SEPTIN10: variants seen among roughly 807,000 people sequenced by gnomAD.
SEPTIN10 encodes septin 10.
SEPTIN10 carries 66 observed loss-of-function variants against 54.8 expected under a neutral mutation model. The observed-to-expected ratio is 1.21, with a 90% CI of 0.99 to 1.48. The LOEUF (loss-of-function observed/expected upper bound fraction) is 1.48, where lower values mean the gene tolerates loss of function less well. Ranked by LOEUF, SEPTIN10 falls within the 40% of genes most tolerant of loss-of-function variation. The pLI, the probability that SEPTIN10 is intolerant of heterozygous loss-of-function variation, is 0.00. For synonymous variants in SEPTIN10, 161 were observed against 181.0 expected, an observed-to-expected ratio of 0.89 and a Z score of 0.89; for missense variants, 620 against 545.6, an observed-to-expected ratio of 1.14 and a Z score of -1.36.
At chr2:109,562,959 G>A (rs1316839831) in intron 8 of SEPTIN10, among the ~76,000 whole-genome samples, 1 of 151,272 alleles carries the variant, frequency 6.6e-6, no homozygotes, top group Non-Finnish European at 1.5e-5. Flanking sequence ...TGCCCAGGTT[G>A]GAGTGCAGTG....
intron 5 of SEPTIN10, among the ~76,000 whole-genome samples, chr2:109,569,601 T>G (rs1033138404): frequency 7.2e-5 from 11 of 152,164 alleles, no homozygotes; most frequent in Non-Finnish European, 1.3e-4. Context: ...CAGAAAACTT[T>G]CCAGCAATCC....
At chr2:109,582,075 GACACACACACACACACACACAC>G (rs55880328) in intron 4 of SEPTIN10, among the ~76,000 whole-genome samples, 1 of 143,768 alleles carries the variant, frequency 7.0e-6, no homozygotes, top group East Asian at 2.0e-4. Context: ...ATGTACAACA[GACACACACACACACACACACAC>G]ACACACACAC....
chr2:109,613,607 G>T lies in SEPTIN10; in HGVS notation c.30+191C>A, dbSNP rs559865721. The T allele has an allele frequency of 1.3e-4, 41 of 316,276 alleles. 2 individuals carry two copies. In the South Asian group the frequency reaches 4.9e-3, roughly 37 times the overall value. The allele number at this position is 316,276 out of a possible 1,614,324, so 19.6% of individuals were successfully genotyped here. Reference sequence around the variant, plus strand: ...CGAACCGGGGTCCGGCCGCGCCCAGGCTCCGCAGAGGCTCCTCTCCCGCCC... The same window carrying T: ...CGAACCGGGGTCCGGCCGCGCCCAGTCTCCGCAGAGGCTCCTCTCCCGCCC... On this transcript the variant is annotated intron_variant, in intron 1 of 10. Transcript: ENST00000397712.
At chr2:109,582,961 A>G (rs1380808212) in intron 4 of SEPTIN10, among the ~76,000 whole-genome samples, 1 of 152,240 alleles carries the variant, frequency 6.6e-6, no homozygotes. Flanking sequence ...GTGCTAGGAT[A>G]ACTGGCTAGC....
At chr2:109,568,016 T>C in intron 5 of SEPTIN10, 40 bp from the exon 6 acceptor site, 1 of 1,471,892 alleles carries the variant, frequency 6.8e-7, no homozygotes. Context: ...ACTGAGGATT[T>C]TTTTTTTTAA....
rs140261673 is a variant in SEPTIN10 at position 109,584,109 on chromosome 2, T to G, written c.413+1017A>C. Among the ~76,000 whole-genome samples, 147 of 152,290 alleles carry G rather than the reference T, an allele frequency of 9.7e-4. 2 individuals are homozygous for G. In the South Asian group the frequency reaches 0.012, roughly 13 times the overall value. On this transcript the variant is annotated intron_variant, in intron 4 of 10. Coordinates refer to ENST00000397712, the MANE Select transcript of SEPTIN10 (RefSeq NM_144710.5). Reference sequence around the variant, plus strand: ...AGCATCACACAATATACCCATGTAATAAACCTGCAAATGTACCCCAAATCT... The same window carrying G: ...AGCATCACACAATATACCCATGTAAGAAACCTGCAAATGTACCCCAAATCT...
At chr2:109,611,978 G>A (rs1285141851) in intron 1 of SEPTIN10, among the ~76,000 whole-genome samples, 1 of 152,016 alleles carries the variant, frequency 6.6e-6, no homozygotes, top group Non-Finnish European at 1.5e-5. Context: ...TGTATTCCTG[G>A]GCATCTATCC....
rs1293282606 is a variant in SEPTIN10, at chr2:109,547,017, G to T, written c.1162-780C>A. Among the ~76,000 whole-genome samples the T allele has an allele frequency of 9.8e-5, 15 of 152,288 alleles. No homozygotes were observed. The South Asian group carries it at 2.5e-3, about 25-fold the overall frequency. On this transcript the variant is annotated intron_variant, in intron 9 of 10. Coordinates refer to ENST00000397712, the MANE Select transcript of SEPTIN10 (RefSeq NM_144710.5). ...TCTGACCTCCCTTTAGGCGCCTAAA[G>T]GCAGGATACAGATGTACAAAGAAAA...
intron 1 of SEPTIN10, among the ~76,000 whole-genome samples, chr2:109,612,427 T>C (rs1699452741): frequency 1.3e-5 from 2 of 152,334 alleles, no homozygotes; most frequent in South Asian, 4.1e-4. Flanking sequence ...GATATCGTAC[T>C]ATGGGTTTGC....
chr2:109,604,161 CAAAAAAAA>C (rs34166921), intron 1 of SEPTIN10, among the ~76,000 whole-genome samples: 1 of 58,672 alleles, frequency 1.7e-5, no homozygotes, highest in Non-Finnish European at 3.2e-5. Flanking sequence ...GACTCTGCCT[CAAAAAAAA>C]AAAAAAAAAA....
chr2:109,581,398 C>T (rs1691112012), intron 4 of SEPTIN10, among the ~76,000 whole-genome samples: 1 of 151,612 alleles, frequency 6.6e-6, no homozygotes, highest in Non-Finnish European at 1.5e-5. Flanking sequence ...GATTGCGCCA[C>T]TGCACTCCTG....
At chr2:109,575,404 A>G (rs548735072) in intron 4 of SEPTIN10, among the ~76,000 whole-genome samples, 1 of 152,382 alleles carries the variant, frequency 6.6e-6, no homozygotes, top group African/African-American at 2.4e-5. Context: ...GTATCTAACT[A>G]GTAATGGTGG....
intron 2 of SEPTIN10, among the ~76,000 whole-genome samples, chr2:109,590,428 T>C (rs1026928165): frequency 6.6e-6 from 1 of 151,948 alleles, no homozygotes; most frequent in African/African-American, 2.4e-5. Flanking sequence ...TAAATCCTTT[T>C]TTTTTTTCCT....
rs1379640446 is a variant in SEPTIN10 at position 109,544,774 on chromosome 2, T to C, written c.1350-450A>G. On this transcript the variant is annotated intron_variant, in intron 10 of 10. Coordinates refer to ENST00000397712, the MANE Select transcript of SEPTIN10 (RefSeq NM_144710.5). Reference sequence around the variant, plus strand: ...CTTGAATAAAATACAGCTTTTATACTATTTATTCTTTCAAAAATAATTGCA... The same window carrying C: ...CTTGAATAAAATACAGCTTTTATACCATTTATTCTTTCAAAAATAATTGCA... The C allele has an allele frequency of 4.9e-6, 4 of 815,736 alleles. No homozygotes were observed. The African/African-American group carries it at 7.4e-5, about 15-fold the overall frequency. The allele number at this position is 815,736 out of a possible 1,614,324, so 50.5% of individuals were successfully genotyped here. A position where few individuals can be genotyped will look rare whatever the true frequency, so the allele number is the denominator to read the frequency against.
chr2:109,551,179 A>G (rs557482333), intron 9 of SEPTIN10, among the ~76,000 whole-genome samples: 1 of 152,328 alleles, frequency 6.6e-6, no homozygotes, highest in Non-Finnish European at 1.5e-5. Context: ...CTAGTCATCT[A>G]ATGTTCACAC....
At chr2:109,586,195 T>G in intron 2 of SEPTIN10, among the ~76,000 whole-genome samples, 1 of 152,298 alleles carries the variant, frequency 6.6e-6, no homozygotes. Context: ...TACATTAAAA[T>G]GTCAAGTGAA....
At chr2:109,574,789 T>C in intron 4 of SEPTIN10, 22 bp from the exon 5 acceptor site, 4 of 1,517,728 alleles carry the variant, frequency 2.6e-6, no homozygotes, top group Non-Finnish European at 3.6e-6. Flanking sequence ...TTTAAATGTT[T>C]AATACAACAT....
chr2:109,604,160 T>G (rs1444960736), intron 1 of SEPTIN10, among the ~76,000 whole-genome samples: 1 of 65,502 alleles, frequency 1.5e-5, no homozygotes. Flanking sequence ...AGACTCTGCC[T>G]CAAAAAAAAA....
At chr2:109,581,854 G>T (rs1029593737) in intron 4 of SEPTIN10, among the ~76,000 whole-genome samples, 1 of 152,108 alleles carries the variant, frequency 6.6e-6, no homozygotes, top group African/African-American at 2.4e-5. Flanking sequence ...GAAATAAAAG[G>T]CATCCAAATA....
Sources: allele counts gnomAD v4.1 joint callset (sites outside exome capture counted in the v4.1 genomes callset), GRCh38; gene constraint gnomAD v4.1.1; transcripts MANE v1.5; gene names NCBI Gene and HGNC (gene_info 2026-07-23, HGNC 2026-07-21).